The following ADGRB3 variants were observed in gnomAD, a reference collection of about 807,000 sequenced individuals.
The protein encoded by ADGRB3 is brain-specific angiogenesis inhibitor 3.
A neutral mutation model predicts 193.4 loss-of-function variants in ADGRB3; 37 were observed. The observed-to-expected ratio is 0.19, with a 90% CI of 0.15 to 0.25. The LOEUF is 0.25. ADGRB3 is among the 10% of genes least tolerant of loss of function. The probability of loss-of-function intolerance (pLI) is 1.00; values close to 1 mark genes in which losing one functional copy is unlikely to be tolerated. For missense variants in ADGRB3, 1,637 were observed against 1,852.9 expected (o/e 0.88, Z 2.14); for synonymous variants, 690 against 644.2 (o/e 1.07, Z -1.08).
intron 20 of ADGRB3, among the ~76,000 whole-genome samples, chr6:69,289,439 A>C (rs554503682): frequency 1.3e-5 from 2 of 152,338 alleles, no homozygotes; most frequent in African/African-American, 4.8e-5. Context: ...GAGTGGAAGG[A>C]GGAGTCATTG....
chr6:69,314,675 G>A (rs944042429), intron 20 of ADGRB3, among the ~76,000 whole-genome samples: 3 of 151,464 alleles, frequency 2.0e-5, no homozygotes, highest in Non-Finnish European at 4.4e-5. Context: ...AACATCCAAG[G>A]GAAAGAAAGC....
At chr6:69,057,732 A>G (rs1047852539) in intron 15 of ADGRB3, among the ~76,000 whole-genome samples, 1 of 152,048 alleles carries the variant, frequency 6.6e-6, no homozygotes, top group Non-Finnish European at 1.5e-5. Context: ...GATGTATTAC[A>G]CTGATTGATT....
intron 17 of ADGRB3, among the ~76,000 whole-genome samples, chr6:69,117,235 C>T (rs1228138687): frequency 6.6e-6 from 1 of 152,100 alleles, no homozygotes; most frequent in African/African-American, 2.4e-5. Context: ...TTATGCCCTG[C>T]TTTTTTATTT....
chr6:68,831,556 G>T (rs1282728810), intron 3 of ADGRB3, among the ~76,000 whole-genome samples: 1 of 152,100 alleles, frequency 6.6e-6, no homozygotes, highest in African/African-American at 2.4e-5. Context: ...TGAGCACGGG[G>T]TAGTGAATGA....
intron 3 of ADGRB3, among the ~76,000 whole-genome samples, chr6:68,720,203 T>C (rs571466793): frequency 2.0e-5 from 3 of 151,774 alleles, no homozygotes; most frequent in African/African-American, 7.2e-5. Flanking sequence ...GAGTAGTTTT[T>C]CTGGAAGTTG....
intron 20 of ADGRB3, among the ~76,000 whole-genome samples, chr6:69,251,261 A>G (rs561986484): frequency 8.5e-5 from 13 of 152,266 alleles, no homozygotes; most frequent in African/African-American, 3.1e-4. Flanking sequence ...TAACTTACGT[A>G]TGTTCTGCAG....
intron 3 of ADGRB3, among the ~76,000 whole-genome samples, chr6:68,721,813 A>C (rs1350088613): frequency 6.6e-6 from 1 of 150,988 alleles, no homozygotes; most frequent in East Asian, 2.0e-4. Context: ...TATTCAGTAA[A>C]TTCTTCTTTC....
At chr6:68,928,540 C>T (rs1047002112) in intron 3 of ADGRB3, among the ~76,000 whole-genome samples, 10 of 152,060 alleles carry the variant, frequency 6.6e-5, no homozygotes, top group Admixed American at 5.2e-4. Context: ...CGGACATACT[C>T]AGACCTTCTA....
At chr6:68,644,111 A>T (rs1768148770) in intron 3 of ADGRB3, among the ~76,000 whole-genome samples, 1 of 152,088 alleles carries the variant, frequency 6.6e-6, no homozygotes, top group Non-Finnish European at 1.5e-5. Flanking sequence ...TAAATGAAAC[A>T]AAAAAACTCA....
chr6:69,177,111 G>A (rs919941439), intron 17 of ADGRB3, among the ~76,000 whole-genome samples: 1 of 152,038 alleles, frequency 6.6e-6, no homozygotes, highest in Admixed American at 6.5e-5. Context: ...AGATTTTTGG[G>A]TCTCAGTTTT....
rs375657707 is a variant in ADGRB3 at position 68,648,472 on chromosome 6, G to GT, written c.757+9050dup. ...TTATTTGGGGAGTGTGAGTTTTTTTGTTTTTTTTTTCGAAAGAGAGCAAAT... is the reference window on the plus strand; with the variant it reads ...TTATTTGGGGAGTGTGAGTTTTTTTGTTTTTTTTTTTCGAAAGAGAGCAAAT... On this transcript the variant is annotated intron_variant, in intron 3 of 31. Coordinates refer to ENST00000370598, the MANE Select transcript of ADGRB3 (RefSeq NM_001704.3). 4.8e-3 allele frequency among the ~76,000 whole-genome samples: 480 copies of GT among 99,806 alleles called. 4 individuals are homozygous for GT. The highest frequency in any genetic ancestry group is 9.3e-3 in the African/African-American group (124 of 13,318). The allele number at this position is 99,806 out of a possible 152,430, so 65.5% of individuals were successfully genotyped here.
At chr6:68,843,963 A>G (rs768518574) in intron 3 of ADGRB3, among the ~76,000 whole-genome samples, 1 of 152,198 alleles carries the variant, frequency 6.6e-6, no homozygotes, top group East Asian at 1.9e-4. Context: ...AAAACTGGCT[A>G]TCCATAGGCA....
intron 13 of ADGRB3, among the ~76,000 whole-genome samples, chr6:69,043,334 G>GGAAGGAAGGAAGGAAGAAAGAAAGAA (rs1208856464): frequency 4.5e-5 from 5 of 110,104 alleles, no homozygotes; most frequent in African/African-American, 1.6e-4. Context: ...GAAAGAAAGA[G>GGAAGGAAGGAAGGAAGAAAGAAAGAA]AAAGAAAAGA....
At chr6:68,716,208 TG>T (rs1268852914) in intron 3 of ADGRB3, among the ~76,000 whole-genome samples, 1 of 151,762 alleles carries the variant, frequency 6.6e-6, no homozygotes, top group East Asian at 1.9e-4. Flanking sequence ...TGTAAATGTC[TG>T]GGAATACCTG....
chr6:69,225,831 A>G (rs1766000780), intron 17 of ADGRB3, among the ~76,000 whole-genome samples: 1 of 152,222 alleles, frequency 6.6e-6, no homozygotes. Context: ...CACAACACCT[A>G]ACACTGACTG....
At chr6:68,719,734 C>CT (rs549215255) in intron 3 of ADGRB3, among the ~76,000 whole-genome samples, 246 of 151,186 alleles carry the variant, frequency 1.6e-3, no homozygotes, top group African/African-American at 5.2e-3. Context: ...TCACAAAAAC[C>CT]TTTTTTTTAG....
chr6:68,860,027 C>G (rs1765108808), intron 3 of ADGRB3, among the ~76,000 whole-genome samples: 1 of 151,912 alleles, frequency 6.6e-6, no homozygotes, highest in East Asian at 1.9e-4. Context: ...TGTATATTTT[C>G]CAAAATAAAA....
intron 17 of ADGRB3, among the ~76,000 whole-genome samples, chr6:69,188,766 G>A (rs796086499): frequency 4.5e-4 from 68 of 151,840 alleles, no homozygotes; most frequent in African/African-American, 1.6e-3. Flanking sequence ...TTTTAAATTC[G>A]TTAAATTATA....
At chr6:68,760,640 G>A (rs1766379725) in intron 3 of ADGRB3, among the ~76,000 whole-genome samples, 1 of 152,196 alleles carries the variant, frequency 6.6e-6, no homozygotes, top group Non-Finnish European at 1.5e-5. Context: ...CTATTAAATG[G>A]TGGTTCCTGG....
Sources: allele counts gnomAD v4.1 joint callset (sites outside exome capture counted in the v4.1 genomes callset), GRCh38; gene constraint gnomAD v4.1.1; transcripts MANE v1.5; gene names NCBI Gene and HGNC (gene_info 2026-07-23, HGNC 2026-07-21).